Variants in ERG observed in about 807,000 individuals in gnomAD.
The protein encoded by ERG is transcriptional regulator ERG.
ERG carries 9 observed loss-of-function variants against 55.3 expected under a neutral mutation model. The observed-to-expected ratio is 0.16, with a 90% CI of 0.10 to 0.28. The LOEUF (loss-of-function observed/expected upper bound fraction) is 0.28, where lower values mean the gene tolerates loss of function less well. Among genes scored for constraint, ERG ranks in the 10% least tolerant of loss-of-function variants. The pLI, the probability that ERG is intolerant of heterozygous loss-of-function variation, is 1.00. For missense variants in ERG, 434 were observed against 631.6 expected (o/e 0.69, Z 3.35); for synonymous variants, 223 against 237.3 (o/e 0.94, Z 0.55).
At chr21:38,438,831 G>A (rs947376724) in intron 2 of ERG, among the ~76,000 whole-genome samples, 6 of 152,198 alleles carry the variant, frequency 3.9e-5, no homozygotes, top group Non-Finnish European at 5.9e-5. Flanking sequence ...GTGCAACAGA[G>A]CAGTGGTTCT....
chr21:38,455,960 C>T (rs1227890492), intron 1 of ERG, among the ~76,000 whole-genome samples: 1 of 151,086 alleles, frequency 6.6e-6, no homozygotes, highest in African/African-American at 2.4e-5. Flanking sequence ...AGCCGCAAGA[C>T]CACAGGGCCA....
Position 38,537,954 on chromosome 21 carries a change from A to G in ERG, c.-41+37708T>C, listed in dbSNP as rs148993326. ...AAATGTGATATACACATATCATGGG[A>G]TATCTTCAGCCTTAGAAAAGGAGAG... On this transcript the variant is annotated intron_variant, in intron 2 of 8. Transcript: ENST00000398897. Among the ~76,000 whole-genome samples, 5 of 152,344 alleles carry G rather than the reference A, an allele frequency of 3.3e-5. 1 individual carries two copies. The highest frequency in any genetic ancestry group is 1.2e-4 in the African/African-American group (5 of 41,590).
At position 38,581,933 on chromosome 21, in the gene ERG, C is replaced by T. The variant is rs2146877239; in HGVS notation, c.-127+2911G>A. On this transcript the variant is annotated intron_variant, in intron 1 of 8. Transcript: ENST00000398897. ...TGGTGGACGCCTGTAGTCCCAGCTG[C>T]TCAGGAGGCTGAGGCAGGAGAATGG... is the stretch of plus-strand genomic sequence containing the variant. Among the ~76,000 whole-genome samples, 2 of 151,612 alleles carry T rather than the reference C, an allele frequency of 1.3e-5. 1 individual carries two copies. Among genetic ancestry groups the T allele is most frequent in the Non-Finnish European group, 2.9e-5 (2 of 67,948 alleles).
chr21:38,445,590 G>A lies in ERG; in HGVS notation c.50C>T (p.Ser17Leu), dbSNP rs778042834. The A allele has an allele frequency of 2.5e-6, 4 of 1,613,934 alleles. No homozygotes were observed. The highest frequency in any genetic ancestry group is 1.6e-4 in the Middle Eastern group (1 of 6,084). ...CGTTCCGTAGGCACACTCAAACAAC[G>A]ACTGGTCCTCACTCACAACTGATAA... ...EALSVVSEDQ[S>L]LFECAYGTPH... Residue 17 changes from serine (S) to leucine (L), a missense_variant, in exon 2 of 10, where the codon TCG (serine) becomes TTG (leucine). Transcript: ENST00000288319.
intron 6 of ERG, among the ~76,000 whole-genome samples, chr21:38,393,486 C>T (rs550920018): frequency 4.6e-5 from 7 of 152,298 alleles, no homozygotes; most frequent in Admixed American, 4.6e-4. Flanking sequence ...CAAGTGAAGG[C>T]CATGGCCAAA....
intron 3 of ERG, among the ~76,000 whole-genome samples, chr21:38,410,334 T>G (rs1359873689): frequency 6.6e-6 from 1 of 152,228 alleles, no homozygotes; most frequent in Admixed American, 6.5e-5. Context: ...CCAATTGTTT[T>G]GAAAACATCT....
At chr21:38,421,610 G>A (rs1682182519) in intron 3 of ERG, among the ~76,000 whole-genome samples, 1 of 152,272 alleles carries the variant, frequency 6.6e-6, no homozygotes, top group South Asian at 2.1e-4. Flanking sequence ...GTGACCCCAG[G>A]AGCAAGGGAG....
At chr21:38,592,941 TGC>T (rs1568936825) in intron 1 of ERG, among the ~76,000 whole-genome samples, 1 of 151,686 alleles carries the variant, frequency 6.6e-6, no homozygotes, top group Non-Finnish European at 1.5e-5. Flanking sequence ...TTCTCCCCAG[TGC>T]GTCTTCCCAT....
chr21:38,471,478 A>C (rs1174539927), intron 1 of ERG: 1 of 152,242 alleles, frequency 6.6e-6, no homozygotes, highest in African/African-American at 2.4e-5. Flanking sequence ...ACAGTTCTTG[A>C]GACCAAAGTC....
Position 38,381,078 on chromosome 21 carries a change from G to A in ERG, c.*2325C>T, listed in dbSNP as rs763427321. On this transcript the variant is annotated 3_prime_UTR_variant, in exon 10 of 10. Transcript: ENST00000288319. ...GCAAAATGATGGATGGTTGGGCTCCGTCTAATCCAAATGACACGGGGTGTC... is the reference window on the plus strand; with the variant it reads ...GCAAAATGATGGATGGTTGGGCTCCATCTAATCCAAATGACACGGGGTGTC... 1.5e-4 allele frequency: 164 copies of A among 1,064,430 alleles called. No individual in the cohort carries two copies. Among genetic ancestry groups the A allele is most frequent in the Middle Eastern group, 4.1e-4 (1 of 2,416 alleles). 65.9% of individuals were successfully genotyped at this position (1,064,430 alleles called of 1,614,324 possible).
At chr21:38,429,854 T>C (rs112047762) in intron 2 of ERG, among the ~76,000 whole-genome samples, 6,280 of 151,808 alleles carry the variant, frequency 0.041, 364 homozygotes, top group East Asian at 0.23. Context: ...TAAACATGCA[T>C]GCGCAAGTGT....
chr21:38,404,353 G>A (rs1190601870), intron 3 of ERG, among the ~76,000 whole-genome samples: 2 of 152,144 alleles, frequency 1.3e-5, no homozygotes, highest in African/African-American at 2.4e-5. Context: ...CTGCAGGAGT[G>A]GGGTTGGTGA....
intron 4 of ERG, among the ~76,000 whole-genome samples, chr21:38,402,968 A>C (rs921570552): frequency 6.6e-6 from 1 of 152,214 alleles, no homozygotes; most frequent in Non-Finnish European, 1.5e-5. Context: ...GTAGAAATTA[A>C]AGCATGCAGC....
chr21:38,524,122 C>T (rs1601185198), intron 2 of ERG, among the ~76,000 whole-genome samples: 1 of 152,150 alleles, frequency 6.6e-6, no homozygotes, highest in South Asian at 2.1e-4. Context: ...CTTTGGAATC[C>T]CTGAGACCAA....
intron 1 of ERG, among the ~76,000 whole-genome samples, chr21:38,452,501 C>T (rs1428902868): frequency 1.3e-5 from 2 of 152,270 alleles, no homozygotes; most frequent in South Asian, 2.1e-4. Flanking sequence ...TAAATACATA[C>T]TAAGATAATA....
rs150653039 is a variant in ERG at position 38,575,282 on chromosome 21, T to C, written c.-41+380A>G. Among the ~76,000 whole-genome samples the C allele has an allele frequency of 2.1e-3, 326 of 152,334 alleles. 2 individuals carry two copies. Among genetic ancestry groups the C allele is most frequent in the African/African-American group, 7.3e-3 (302 of 41,570 alleles). ...AGAAGAATTTGGATGTGATTTCATA[T>C]ATTAACTCAGCAAAATTTTTTCTGA... On this transcript the variant is annotated intron_variant, in intron 2 of 8. Transcript: ENST00000398897.
intron 2 of ERG, among the ~76,000 whole-genome samples, chr21:38,558,491 C>A (rs1463880892): frequency 6.6e-6 from 1 of 152,198 alleles, no homozygotes; most frequent in Non-Finnish European, 1.5e-5. Flanking sequence ...TCAAAAATTT[C>A]TCATCCAAAG....
At chr21:38,407,031 T>C (rs1173627336) in intron 3 of ERG, among the ~76,000 whole-genome samples, 1 of 152,170 alleles carries the variant, frequency 6.6e-6, no homozygotes, top group African/African-American at 2.4e-5. Flanking sequence ...GAGTATAAAT[T>C]ACTACAGCCT....
intron 1 of ERG, among the ~76,000 whole-genome samples, chr21:38,473,294 G>A (rs2059157253): frequency 6.6e-6 from 1 of 152,054 alleles, no homozygotes; most frequent in East Asian, 1.9e-4. Flanking sequence ...GCCTAGGCAG[G>A]CGAAGCTTCC....
Sources: gnomAD v4.1 joint callset for allele counts (sites outside exome capture counted in the v4.1 genomes callset) on GRCh38, gnomAD v4.1.1 for gene constraint, MANE v1.5 for transcripts, NCBI Gene and HGNC (gene_info 2026-07-23, HGNC 2026-07-21) for gene names.